The following CMIP variants were observed in gnomAD, a reference collection of about 807,000 sequenced individuals.
The protein encoded by CMIP is C-Maf-inducing protein.
A neutral mutation model predicts 97.3 loss-of-function variants in CMIP; 13 were observed. That is an observed-to-expected ratio of 0.13 (90% CI 0.09 to 0.21). The LOEUF (loss-of-function observed/expected upper bound fraction) is 0.21, where lower values mean the gene tolerates loss of function less well. CMIP is among the 10% of genes least tolerant of loss of function. CMIP has a pLI of 1.00. For missense variants in CMIP, 847 were observed against 1,024.9 expected (o/e 0.83, Z 2.37); for synonymous variants, 538 against 436.3 (o/e 1.23, Z -2.91).
intron 1 of CMIP, among the ~76,000 whole-genome samples, chr16:81,493,617 C>T (rs959600292): frequency 6.6e-6 from 1 of 152,240 alleles, no homozygotes; most frequent in Non-Finnish European, 1.5e-5. Context: ...GGCAGTGTGG[C>T]GAGTTAGGTC....
intron 1 of CMIP, among the ~76,000 whole-genome samples, chr16:81,542,988 G>A (rs943916115): frequency 6.6e-6 from 1 of 152,230 alleles, no homozygotes; most frequent in Non-Finnish European, 1.5e-5. Flanking sequence ...GGGGGATTGT[G>A]AATTCTGCCC....
At chr16:81,475,406 C>G (rs1383012144) in intron 1 of CMIP, among the ~76,000 whole-genome samples, 1 of 152,196 alleles carries the variant, frequency 6.6e-6, no homozygotes, top group Non-Finnish European at 1.5e-5. Flanking sequence ...TTTTCTCTGC[C>G]CCGACTTTGA....
In CMIP at chr16:81,629,541, G is replaced by A. The variant is rs138059738; in HGVS notation, c.477+8615G>A. Among the ~76,000 whole-genome samples the A allele has an allele frequency of 2.0e-3, 307 of 152,284 alleles. 1 individual carries two copies. The highest frequency in any genetic ancestry group is 0.014 in the Middle Eastern group (4 of 294). On this transcript the variant is annotated intron_variant, in intron 3 of 20. Coordinates refer to ENST00000537098, the MANE Select transcript of CMIP (RefSeq NM_198390.3). ...CGTTTGCCCGTCTAACCCCGTCTTG[G>A]CCACCTTCCTCCCTCTCTGTCTCCT... is the stretch of plus-strand genomic sequence containing the variant.
At chr16:81,693,619 T>C (rs1906364310) in intron 13 of CMIP, 132 bp downstream of exon 13, 2 of 936,620 alleles carry the variant, frequency 2.1e-6, no homozygotes, top group South Asian at 1.7e-5. Context: ...ATTGCCTGTG[T>C]ATAAACACAT....
At chr16:81,531,816 G>A (rs367682156) in intron 1 of CMIP, among the ~76,000 whole-genome samples, 4 of 152,194 alleles carry the variant, frequency 2.6e-5, no homozygotes, top group Admixed American at 2.0e-4. Flanking sequence ...GAAGATGATT[G>A]ACTAAGAAAC....
At chr16:81,612,013 T>C (rs1427348413) in intron 2 of CMIP, among the ~76,000 whole-genome samples, 1 of 152,208 alleles carries the variant, frequency 6.6e-6, no homozygotes, top group Non-Finnish European at 1.5e-5. Flanking sequence ...GTTATTAGAA[T>C]CCCTCGTTGC....
At chr16:81,674,052 C>A (rs142066882) in intron 9 of CMIP, among the ~76,000 whole-genome samples, 1 of 152,276 alleles carries the variant, frequency 6.6e-6, no homozygotes, top group East Asian at 1.9e-4. Flanking sequence ...AAATCAGGGG[C>A]TGTTTTCTTG....
intron 8 of CMIP, among the ~76,000 whole-genome samples, chr16:81,671,751 G>C (rs1421584499): frequency 3.9e-5 from 6 of 152,236 alleles, no homozygotes; most frequent in Admixed American, 3.3e-4. Context: ...GGAGTCCACA[G>C]CCAGGAGCTT....
chr16:81,574,432 C>T (rs965262153), intron 1 of CMIP, among the ~76,000 whole-genome samples: 2 of 152,260 alleles, frequency 1.3e-5, no homozygotes, highest in African/African-American at 4.8e-5. Context: ...CTCAGCAGGA[C>T]CGGGCGAAGC....
intron 4 of CMIP, 61 bp from the exon 5 acceptor site, chr16:81,657,714 C>T (rs1412604254): frequency 5.9e-6 from 8 of 1,356,138 alleles, no homozygotes; most frequent in Non-Finnish European, 8.1e-6. Flanking sequence ...AATCCAAATG[C>T]TCGTTTTCTT....
At chr16:81,591,662 C>T (rs933598901) in intron 1 of CMIP, among the ~76,000 whole-genome samples, 3 of 152,066 alleles carry the variant, frequency 2.0e-5, no homozygotes, top group African/African-American at 7.2e-5. Flanking sequence ...CACTCCGGAC[C>T]TTCTGGGCTG....
At chr16:81,670,540 A>T (rs4889361) in intron 8 of CMIP, among the ~76,000 whole-genome samples, 78,880 of 147,528 alleles carry the variant, frequency 0.53, 22,304 homozygotes, top group African/African-American at 0.72. Context: ...CAATCACCCC[A>T]TAAACATAAC....
chr16:81,520,839 T>C (rs900976578), intron 1 of CMIP, among the ~76,000 whole-genome samples: 17 of 151,908 alleles, frequency 1.1e-4, no homozygotes, highest in African/African-American at 3.6e-4. Flanking sequence ...ATAAGAAGGG[T>C]TGTGAGGAGG....
intron 1 of CMIP, among the ~76,000 whole-genome samples, chr16:81,604,175 CCT>C (rs1384188619): frequency 6.6e-6 from 1 of 151,668 alleles, no homozygotes; most frequent in African/African-American, 2.4e-5. Flanking sequence ...AGGAGGATCA[CCT>C]GAGGTCAGGA....
intron 15 of CMIP, among the ~76,000 whole-genome samples, chr16:81,700,284 C>G (rs779537533): frequency 6.6e-6 from 1 of 152,010 alleles, no homozygotes; most frequent in Non-Finnish European, 1.5e-5. Flanking sequence ...CTCGTGGCCT[C>G]CAGGTAGCCT....
chr16:81,590,043 G>A (rs1015882981), intron 1 of CMIP, among the ~76,000 whole-genome samples: 1 of 151,570 alleles, frequency 6.6e-6, no homozygotes, highest in Non-Finnish European at 1.5e-5. Flanking sequence ...TGCAGGGGCT[G>A]CCCTCAGGGC....
chr16:81,671,863 C>T (rs989825432), intron 8 of CMIP, 103 bp from the exon 9 acceptor site: 59 of 586,080 alleles, frequency 1.0e-4, no homozygotes, highest in Admixed American at 4.4e-4. Flanking sequence ...GCTGGCAGAG[C>T]GGGCAGCCCC....
chr16:81,465,809 C>T (rs948993158), intron 1 of CMIP, among the ~76,000 whole-genome samples: 1 of 152,286 alleles, frequency 6.6e-6, no homozygotes, highest in East Asian at 1.9e-4. Flanking sequence ...GACAGCAGGG[C>T]CCTGTGAGTT....
intron 1 of CMIP, among the ~76,000 whole-genome samples, chr16:81,536,405 G>T (rs1017349965): frequency 1.3e-5 from 2 of 152,034 alleles, no homozygotes; most frequent in Admixed American, 6.5e-5. Flanking sequence ...CATTAACTCG[G>T]GGGCATTATA....
Sources: gnomAD v4.1 joint callset for allele counts (sites outside exome capture counted in the v4.1 genomes callset) on GRCh38, gnomAD v4.1.1 for gene constraint, MANE v1.5 for transcripts, NCBI Gene and HGNC (gene_info 2026-07-23, HGNC 2026-07-21) for gene names.